PC: variants seen among roughly 807,000 people sequenced by gnomAD.
The protein encoded by PC is pyruvate carboxylase, mitochondrial.
A neutral mutation model predicts 107.8 loss-of-function variants in PC; 46 were observed. The ratio of observed to expected loss-of-function variants is 0.43; its 90% CI spans 0.34 to 0.55. The LOEUF (loss-of-function observed/expected upper bound fraction) is 0.55, where lower values mean the gene tolerates loss of function less well. Among genes scored for constraint, PC ranks in the 20% least tolerant of loss-of-function variants. The probability of loss-of-function intolerance (pLI) is 0.04; values close to 1 mark genes in which losing one functional copy is unlikely to be tolerated. For synonymous variants in PC, 662 were observed against 684.7 expected, an observed-to-expected ratio of 0.97 and a Z score of 0.52; for missense variants, 1,241 against 1,643.1, an observed-to-expected ratio of 0.76 and a Z score of 4.23.
chr11:66,916,318 G>A (rs953215051), intron 3 of PC, among the ~76,000 whole-genome samples: 3 of 152,124 alleles, frequency 2.0e-5, no homozygotes, highest in East Asian at 3.9e-4. Flanking sequence ...CCTCCTGGGC[G>A]CAGGTGATCC....
Position 66,852,726 on chromosome 11 carries a change from G to A in PC, c.1603+21C>T, listed in dbSNP as rs753988466. The A allele has an allele frequency of 7.5e-6, 12 of 1,610,180 alleles. No homozygotes were observed. In the Admixed American group the frequency reaches 2.0e-4, roughly 27 times the overall value. ...CAACCTCCTGTCTCCCCCATGAGTT[G>A]ACAGAATGGATCTCACCTACCTATG... On this transcript the variant is annotated intron_variant, in intron 14 of 22. Coordinates refer to ENST00000393960, the MANE Select transcript of PC (RefSeq NM_001040716.2). This position sits in a 1 kb window ranked among gnomAD's most constrained non-coding sequence, Gnocchi z 4.7.
rs529211749 is a variant in PC at position 66,859,367 on chromosome 11, G to A, written c.1368+4407C>T. Among the ~76,000 whole-genome samples the A allele has an allele frequency of 2.8e-4, 43 of 152,310 alleles. No individual in the cohort carries two copies. In the South Asian group the frequency reaches 7.9e-3, roughly 28 times the overall value. ...CCGGCAGCAGGTGGCGGTTGGGTCT[G>A]TCTGAAGCACATGGCCCGCGCCCGC... On this transcript the variant is annotated intron_variant, in intron 12 of 22. Coordinates refer to ENST00000393960, the MANE Select transcript of PC (RefSeq NM_001040716.2).
intron 12 of PC, chr11:66,859,783 C>T (rs755867730): frequency 7.5e-6 from 12 of 1,601,654 alleles, no homozygotes; most frequent in Middle Eastern, 1.7e-4. Flanking sequence ...CATTTCTCCA[C>T]GCTGCCGGCC....
intron 13 of PC, 142 bp downstream of exon 13, chr11:66,853,097 C>T (rs886635648): frequency 3.7e-5 from 34 of 920,886 alleles, no homozygotes; most frequent in East Asian, 1.0e-4. Context: ...GACAAGAGGA[C>T]GCAGGGCCAG....
chr11:66,898,846 T>A (rs1947853397), intron 3 of PC, among the ~76,000 whole-genome samples: 1 of 152,196 alleles, frequency 6.6e-6, no homozygotes, highest in Non-Finnish European at 1.5e-5. Context: ...TCAGTCTCTA[T>A]GGATTTGCCT....
intron 3 of PC, among the ~76,000 whole-genome samples, chr11:66,934,928 G>A: frequency 6.6e-6 from 1 of 152,162 alleles, no homozygotes; most frequent in Non-Finnish European, 1.5e-5. Context: ...TATGCATTTA[G>A]CATCTCACCT....
In PC at chr11:66,870,408, G is replaced by A. The variant is rs796052030; in HGVS notation, c.797C>T (p.Ser266Phe). The change falls in exon 9 of 23, where the codon TCC becomes TTC. Residue 266 changes from serine to phenylalanine, a missense_variant. By Grantham distance (155) the Ser-to-Phe change is radical. Around this residue, in one of 2 missense-constraint regions of PC, gnomAD observed 1,143 missense variants for 1,551.9 expected, o/e 0.74. Coordinates refer to ENST00000393960, the MANE Select transcript of PC (RefSeq NM_001040716.2). The surrounding 1 kb of genome is among the most constrained non-coding windows in gnomAD (Gnocchi z 6.1). ...NILHLYERDC[S>F]IQRRHQKVVE... ...CACCTTCTGGTGCCGCCGCTGGATG[G>A]AGCAGTCTCGCTCGTACAGGTGCAG... is the stretch of plus-strand genomic sequence containing the variant. The A allele has an allele frequency of 6.2e-7, 1 of 1,613,646 alleles. No homozygotes were observed. The highest frequency in any genetic ancestry group is 8.5e-7 in the Non-Finnish European group (1 of 1,180,022).
intron 12 of PC, among the ~76,000 whole-genome samples, chr11:66,854,970 A>G (rs1450758707): frequency 2.6e-5 from 4 of 152,068 alleles, no homozygotes; most frequent in Non-Finnish European, 5.9e-5. Flanking sequence ...GCAGAGTGAG[A>G]AGGACCCTTG....
At chr11:66,914,707 C>T (rs142834345) in intron 3 of PC, among the ~76,000 whole-genome samples, 224 of 152,228 alleles carry the variant, frequency 1.5e-3, no homozygotes, top group Admixed American at 3.7e-3. Flanking sequence ...GCATTTCTGC[C>T]GTCGCCTCCA....
intron 3 of PC, among the ~76,000 whole-genome samples, chr11:66,914,426 G>A (rs904431667): frequency 2.0e-5 from 3 of 151,818 alleles, no homozygotes; most frequent in Non-Finnish European, 4.4e-5. Context: ...GCAGGAAATC[G>A]CTTGAACCTG....
rs367785957 is a variant in PC at position 66,858,671 on chromosome 11, G to T, written c.1368+5103C>A. 6.5e-7 allele frequency: 1 copy of T among 1,545,290 alleles called. No homozygotes were observed. Among genetic ancestry groups the T allele is most frequent in the Non-Finnish European group, 8.7e-7 (1 of 1,144,468 alleles). ...GGTGCCGGGCCCTGGGTGACCCCGC[G>T]CCTACCATGCACTGGGTCGGTCCTG... On this transcript the variant is annotated intron_variant, in intron 12 of 22. Coordinates refer to ENST00000393960, the MANE Select transcript of PC (RefSeq NM_001040716.2). The surrounding 1 kb of genome is among the most constrained non-coding windows in gnomAD (Gnocchi z 5.9).
chr11:66,861,920 C>T (rs1346212163), intron 12 of PC, among the ~76,000 whole-genome samples: 2 of 152,140 alleles, frequency 1.3e-5, no homozygotes, highest in African/African-American at 4.8e-5. Flanking sequence ...TCTAGCTGCA[C>T]CCCTAGCAGG....
chr11:66,899,135 G>T (rs142225876), intron 3 of PC, among the ~76,000 whole-genome samples: 2 of 152,246 alleles, frequency 1.3e-5, no homozygotes, highest in East Asian at 3.9e-4. Flanking sequence ...CTCCCAAAGT[G>T]CTGGGATTAC....
At chr11:66,924,369 CAAAAAA>C (rs71045970) in intron 3 of PC, among the ~76,000 whole-genome samples, 2 of 65,588 alleles carry the variant, frequency 3.0e-5, no homozygotes, top group Non-Finnish European at 5.7e-5. Flanking sequence ...CCATCTCTAC[CAAAAAA>C]AAAAAAAAAA....
chr11:66,854,341 ACACT>A (rs997299182), intron 12 of PC, among the ~76,000 whole-genome samples: 1 of 152,192 alleles, frequency 6.6e-6, no homozygotes, highest in Non-Finnish European at 1.5e-5. Context: ...GGCAGAGCTG[ACACT>A]CACCTTTCCA....
In PC at chr11:66,848,501, G is replaced by T. The variant is rs1188251367; in HGVS notation, c.*398C>A. ...CCACTGCTGAGTGGTGCAGGCTGGG[G>T]GCTGCACAGGATCCAGCATGGAGGG... On this transcript the variant is annotated 3_prime_UTR_variant, in exon 23 of 23. Coordinates refer to ENST00000393960, the MANE Select transcript of PC (RefSeq NM_001040716.2). 2 of 580,564 alleles carry T rather than the reference G, an allele frequency of 3.4e-6. No individual in the cohort carries two copies. The highest frequency in any genetic ancestry group is 5.6e-5 in the East Asian group (2 of 35,410). 36.0% of individuals were successfully genotyped at this position (580,564 alleles called of 1,614,324 possible). A position where few individuals can be genotyped will look rare whatever the true frequency, so the allele number is the denominator to read the frequency against.
At chr11:66,910,714 C>T (rs1356104909) in intron 3 of PC, among the ~76,000 whole-genome samples, 2 of 152,122 alleles carry the variant, frequency 1.3e-5, no homozygotes, top group Non-Finnish European at 2.9e-5. Flanking sequence ...GTCCATGACC[C>T]CTAGAAAGAT....
chr11:66,849,458 G>C, intron 21 of PC, 88 bp from the exon 22 acceptor site: 1 of 1,604,306 alleles, frequency 6.2e-7, no homozygotes, highest in Non-Finnish European at 8.5e-7. Flanking sequence ...CCCACACTGG[G>C]CCTTGGCTCC....
rs1473148596 is a variant in PC, at chr11:66,853,283, A to G, written c.1469T>C (p.Leu490Pro). ...FIDENPELFQ[L>P]RPAQNRAQKL... ...TTGGGCCCGGTTCTGTGCAGGCCGC[A>G]GCTGGAACAGCTCTGGGTTCTCGTC... Residue 490 changes from leucine (L) to proline (P), a missense_variant, in exon 13 of 23, where the codon CTG becomes CCG. Leu to Pro is a moderately conservative substitution (Grantham distance 98, BLOSUM62 -3). Coordinates refer to ENST00000393960, the MANE Select transcript of PC (RefSeq NM_001040716.2). 5 of 1,614,100 alleles carry G rather than the reference A, an allele frequency of 3.1e-6. No homozygotes were observed. The highest frequency in any genetic ancestry group is 3.4e-6 in the Non-Finnish European group (4 of 1,179,992).
Sources: allele counts gnomAD v4.1 joint callset (sites outside exome capture counted in the v4.1 genomes callset), GRCh38; gene constraint gnomAD v4.1.1; regional missense constraint gnomAD v4.1.1; non-coding constraint Gnocchi (gnomAD v3.1); transcripts MANE v1.5; gene names NCBI Gene and HGNC (gene_info 2026-07-23, HGNC 2026-07-21).